Variants in FER1L6 observed in about 807,000 individuals in gnomAD.
The protein encoded by FER1L6 is fer-1-like protein 6.
FER1L6 carries 177 observed loss-of-function variants against 219.2 expected under a neutral mutation model. The observed-to-expected ratio is 0.81, with a 90% CI of 0.71 to 0.91. The LOEUF (loss-of-function observed/expected upper bound fraction) is 0.91, where lower values mean the gene tolerates loss of function less well. FER1L6 is among the 40% of genes least tolerant of loss of function. The probability of loss-of-function intolerance (pLI) is 0.00; values close to 1 mark genes in which losing one functional copy is unlikely to be tolerated. For synonymous variants in FER1L6, 768 were observed against 824.3 expected (o/e 0.93, Z 1.17); for missense variants, 2,153 against 2,259.9 (o/e 0.95, Z 0.96).
chr8:124,044,325 G>A (rs73328348), intron 20 of FER1L6, among the ~76,000 whole-genome samples: 1,608 of 152,284 alleles, frequency 0.011, 36 homozygotes, highest in African/African-American at 0.033. Context: ...TCTCTGAAAC[G>A]TTTAAAATCT....
chr8:123,886,201 G>A (rs980766084), intron 1 of FER1L6, among the ~76,000 whole-genome samples: 3 of 152,104 alleles, frequency 2.0e-5, no homozygotes, highest in African/African-American at 7.2e-5. Flanking sequence ...TACTCTTAGG[G>A]TGCTATGGTT....
intron 39 of FER1L6, among the ~76,000 whole-genome samples, chr8:124,109,368 C>T (rs530364580): frequency 7.2e-5 from 11 of 152,168 alleles, no homozygotes; most frequent in Non-Finnish European, 1.6e-4. Flanking sequence ...TTACTGTACA[C>T]GTGGCTGACA....
At chr8:124,113,936 T>C (rs1402334258) in intron 39 of FER1L6, among the ~76,000 whole-genome samples, 1 of 152,232 alleles carries the variant, frequency 6.6e-6, no homozygotes, top group Non-Finnish European at 1.5e-5. Context: ...ACAAGATTTC[T>C]TCACTGTAAA....
chr8:124,088,631 C>T (rs1487416054), intron 33 of FER1L6, among the ~76,000 whole-genome samples: 1 of 152,044 alleles, frequency 6.6e-6, no homozygotes, highest in Non-Finnish European at 1.5e-5. Flanking sequence ...CAGCACTGCT[C>T]TGAGTTTAAC....
In FER1L6 at chr8:123,982,104, C is replaced by T. The variant is rs981371691; in HGVS notation, c.1410+1293C>T. Among the ~76,000 whole-genome samples, 20 of 152,214 alleles carry T rather than the reference C, an allele frequency of 1.3e-4. No individual in the cohort carries two copies. In the East Asian group the frequency reaches 2.7e-3, roughly 21 times the overall value. ...GTGCGCCAGTTTCTTGTGGTTAGAA[C>T]TTATTATCTATATGGGATTGTGTTT... On this transcript the variant is annotated intron_variant, in intron 11 of 40. Coordinates refer to ENST00000522917, the MANE Select transcript of FER1L6 (RefSeq NM_001039112.2).
rs373680349 is a variant in FER1L6 at position 124,003,183 on chromosome 8, G to A, written c.1536G>A (p.Leu512=). 6.2e-7 allele frequency: 1 copy of A among 1,613,736 alleles called. No individual in the cohort carries two copies. The highest frequency in any genetic ancestry group is 1.3e-5 in the African/African-American group (1 of 74,878). The change falls in exon 13 of 41, where the codon CTG becomes CTA. Residue 512 remains leucine (L), a synonymous_variant. Transcript: ENST00000522917. ...CCTCTGCAGGTAATTTTGGAAACCT[G>A]ATTGATGGAGGATCCCATCATGGGA... ...FEVSIGNFGN[L]IDGGSHHGSK...
chr8:123,992,958 C>A (rs1816931850), intron 12 of FER1L6, among the ~76,000 whole-genome samples: 1 of 152,004 alleles, frequency 6.6e-6, no homozygotes, highest in South Asian at 2.1e-4. Context: ...ATTGTTAAAC[C>A]AAAAATCATT....
rs1820967631 is a variant in FER1L6, at chr8:124,069,353, T to G, written c.3719-7T>G. On this transcript the variant is annotated splice_polypyrimidine_tract_variant and splice_region_variant and intron_variant, in intron 28 of 40. Transcript: ENST00000522917. ...TGAGAAACCTAATTTCTGCTGAATA[T>G]CCACAGAGGCAAAGCCAGATGAGGT... 1 of 1,604,118 alleles carries G rather than the reference T, an allele frequency of 6.2e-7. No individual in the cohort carries two copies. The highest frequency in any genetic ancestry group is 2.2e-5 in the East Asian group (1 of 44,638).
At chr8:124,074,504 T>C (rs965103890) in intron 31 of FER1L6, among the ~76,000 whole-genome samples, 8 of 151,380 alleles carry the variant, frequency 5.3e-5, no homozygotes, top group African/African-American at 1.9e-4. Flanking sequence ...ATACAAAAAT[T>C]AGTGGGGCGT....
chr8:123,962,187 CCTGT>C (rs1444075698), intron 2 of FER1L6, among the ~76,000 whole-genome samples: 1 of 152,126 alleles, frequency 6.6e-6, no homozygotes, highest in Non-Finnish European at 1.5e-5. Context: ...CTGTGCCCAG[CCTGT>C]CTGTGGTCTT....
chr8:123,876,827 A>T (rs1016133289), intron 1 of FER1L6, among the ~76,000 whole-genome samples: 7 of 152,166 alleles, frequency 4.6e-5, no homozygotes, highest in African/African-American at 1.7e-4. Flanking sequence ...GGACTTGTTC[A>T]CTGATATAGC....
At chr8:124,034,770 AAGTC>A (rs1234537758) in intron 18 of FER1L6, among the ~76,000 whole-genome samples, 2 of 152,130 alleles carry the variant, frequency 1.3e-5, no homozygotes, top group Admixed American at 6.5e-5. Flanking sequence ...AAGAGGTAAA[AAGTC>A]AGGTTGGAAC....
At chr8:123,883,538 T>C (rs1283276858) in intron 1 of FER1L6, among the ~76,000 whole-genome samples, 3 of 152,180 alleles carry the variant, frequency 2.0e-5, no homozygotes, top group Non-Finnish European at 4.4e-5. Context: ...GAGGACAAAA[T>C]AATGGTAGAT....
At chr8:123,970,212 G>A (rs1015613940) in intron 6 of FER1L6, 115 bp downstream of exon 6, 35 of 947,866 alleles carry the variant, frequency 3.7e-5, no homozygotes, top group Non-Finnish European at 5.3e-5. Context: ...GAGGGCAAGT[G>A]TCAGTTGGTG....
At chr8:124,107,929 C>T (rs1228422358) in intron 39 of FER1L6, among the ~76,000 whole-genome samples, 3 of 152,116 alleles carry the variant, frequency 2.0e-5, no homozygotes, top group South Asian at 2.1e-4. Context: ...AGAGGATTTC[C>T]GTGCATCAAA....
chr8:124,113,620 A>G (rs552184795), intron 39 of FER1L6, among the ~76,000 whole-genome samples: 1 of 152,200 alleles, frequency 6.6e-6, no homozygotes, highest in Admixed American at 6.5e-5. Flanking sequence ...ATCATGGTTT[A>G]TGTACTGCTT....
chr8:123,976,179 A>G, intron 9 of FER1L6, 95 bp downstream of exon 9: 1 of 1,085,034 alleles, frequency 9.2e-7, no homozygotes, highest in Non-Finnish European at 1.3e-6. Flanking sequence ...AAAAATTAGG[A>G]AGTGCCTTGA....
At chr8:123,880,623 A>G (rs937436135) in intron 1 of FER1L6, among the ~76,000 whole-genome samples, 1 of 152,132 alleles carries the variant, frequency 6.6e-6, no homozygotes, top group African/African-American at 2.4e-5. Flanking sequence ...GGTTTCTATT[A>G]CTTCAGCCCA....
Position 124,082,322 on chromosome 8 carries a change from T to C in FER1L6, c.4255T>C (p.Ser1419Pro). ...GATCCAAGCCACATTCCCAAAAGAG[T>C]CCCTGCTCTCCATCCTGATCTATGA... ...FEIQATFPKESLLSILIYDHD... is the reference protein window; with the variant it reads ...FEIQATFPKEPLLSILIYDHD... Residue 1419 changes from serine to proline, a missense_variant, in exon 33 of 41, where the codon TCC (serine) becomes CCC (proline). By Grantham distance (74) the Ser-to-Pro change is moderately conservative (BLOSUM62 -1). Coordinates refer to ENST00000522917, the MANE Select transcript of FER1L6 (RefSeq NM_001039112.2). 1.2e-6 allele frequency: 2 copies of C among 1,613,182 alleles called. No individual in the cohort carries two copies. The highest frequency in any genetic ancestry group is 1.7e-6 in the Non-Finnish European group (2 of 1,179,594).
Sources: allele counts gnomAD v4.1 joint callset (sites outside exome capture counted in the v4.1 genomes callset), GRCh38; gene constraint gnomAD v4.1.1; transcripts MANE v1.5; gene names NCBI Gene and HGNC (gene_info 2026-07-23, HGNC 2026-07-21).